ANKRD44: variants seen among roughly 807,000 people sequenced by gnomAD.
ANKRD44 encodes the protein serine/threonine-protein phosphatase 6 regulatory ankyrin repeat subunit B.
Under a neutral mutation model 116.0 loss-of-function variants are expected in ANKRD44, and 35 were observed. That is an observed-to-expected ratio of 0.30 (90% CI 0.23 to 0.40). The LOEUF is 0.40. ANKRD44 is among the 10% of genes least tolerant of loss of function. The pLI is 1.00. For synonymous variants in ANKRD44, 435 were observed against 461.8 expected, an observed-to-expected ratio of 0.94 and a Z score of 0.74; for missense variants, 1,014 against 1,242.6, an observed-to-expected ratio of 0.82 and a Z score of 2.77.
At chr2:197,276,275 CA>C (rs11351342) in intron 1 of ANKRD44, among the ~76,000 whole-genome samples, 36,979 of 107,806 alleles carry the variant, frequency 0.34, 5,309 homozygotes, top group African/African-American at 0.51. Context: ...AACTTGGTCT[CA>C]AAAAAAAAAA....
At chr2:196,971,969 A>C (rs546405706) in intron 21 of ANKRD44, among the ~76,000 whole-genome samples, 1 of 152,312 alleles carries the variant, frequency 6.6e-6, no homozygotes, top group South Asian at 2.1e-4. Flanking sequence ...TCTTGAGGGA[A>C]GCCTGCGCCA....
chr2:197,210,000 C>T (rs777269444), intron 1 of ANKRD44, among the ~76,000 whole-genome samples: 10 of 152,206 alleles, frequency 6.6e-5, no homozygotes, highest in Non-Finnish European at 1.0e-4. Flanking sequence ...CAGGAATCCA[C>T]TCCTACTACC....
At chr2:197,222,864 G>C (rs1353203400) in intron 1 of ANKRD44, among the ~76,000 whole-genome samples, 1 of 151,304 alleles carries the variant, frequency 6.6e-6, no homozygotes, top group Non-Finnish European at 1.5e-5. Context: ...CCAGGCTGAA[G>C]TACAGTGGCA....
intron 10 of ANKRD44, 54 bp from the exon 11 acceptor site, chr2:197,090,086 G>T: frequency 7.4e-7 from 1 of 1,352,850 alleles, no homozygotes. Context: ...AGATACATGC[G>T]GAAGGACAAT....
At chr2:196,981,203 C>T (rs1574214124) in intron 21 of ANKRD44, among the ~76,000 whole-genome samples, 1 of 152,126 alleles carries the variant, frequency 6.6e-6, no homozygotes, top group East Asian at 1.9e-4. Flanking sequence ...GTATCCATCA[C>T]CTCCCTCATG....
chr2:196,996,902 CAAAAA>C (rs55760106), intron 25 of ANKRD44, among the ~76,000 whole-genome samples: 3 of 88,978 alleles, frequency 3.4e-5, no homozygotes, highest in Non-Finnish European at 6.4e-5. Flanking sequence ...GACTCTGCCT[CAAAAA>C]AAAAAAAAAA....
At chr2:197,170,519 C>T (rs1041575099) in intron 2 of ANKRD44, among the ~76,000 whole-genome samples, 1 of 152,174 alleles carries the variant, frequency 6.6e-6, no homozygotes, top group Non-Finnish European at 1.5e-5. Flanking sequence ...TTCATTGTGC[C>T]TAGAGCAATA....
chr2:197,236,552 G>A (rs2081982281), intron 1 of ANKRD44, among the ~76,000 whole-genome samples: 1 of 152,110 alleles, frequency 6.6e-6, no homozygotes, highest in Non-Finnish European at 1.5e-5. Flanking sequence ...TCTGGTCTAT[G>A]GGGCCTACTA....
intron 1 of ANKRD44, among the ~76,000 whole-genome samples, chr2:197,208,243 C>T (rs193170470): frequency 6.3e-4 from 96 of 152,280 alleles, no homozygotes; most frequent in Middle Eastern, 3.4e-3. Context: ...ACAACCCCCA[C>T]GCGCCCCAAT....
chr2:197,118,710 G>C (rs2078781437), intron 8 of ANKRD44, among the ~76,000 whole-genome samples: 1 of 151,796 alleles, frequency 6.6e-6, no homozygotes, highest in East Asian at 1.9e-4. Flanking sequence ...TCTCTGCAGT[G>C]ATAATTGTTG....
At chr2:197,130,017 G>C (rs976531059) in intron 4 of ANKRD44, among the ~76,000 whole-genome samples, 4 of 152,150 alleles carry the variant, frequency 2.6e-5, no homozygotes, top group African/African-American at 9.7e-5. Context: ...AATTTGGGTA[G>C]AATAAATACA....
intron 1 of ANKRD44, among the ~76,000 whole-genome samples, chr2:197,273,980 A>AAATATATAT (rs1553546147): frequency 2.3e-5 from 1 of 43,928 alleles, no homozygotes; most frequent in African/African-American, 1.0e-4. Context: ...AAAAAAAAAA[A>AAATATATAT]ATATATATAT....
At chr2:197,268,114 C>T (rs1436442287) in intron 1 of ANKRD44, among the ~76,000 whole-genome samples, 2 of 152,238 alleles carry the variant, frequency 1.3e-5, no homozygotes, top group South Asian at 2.1e-4. Context: ...TGGCCAACTA[C>T]CTCCTTCACC....
At chr2:197,079,284 A>C (rs2077741689) in intron 15 of ANKRD44, among the ~76,000 whole-genome samples, 1 of 152,144 alleles carries the variant, frequency 6.6e-6, no homozygotes, top group Admixed American at 6.5e-5. Context: ...TAAAAAGAGT[A>C]AGAAAAAAAA....
chr2:197,257,318 G>A (rs987545646), intron 1 of ANKRD44, among the ~76,000 whole-genome samples: 4 of 151,818 alleles, frequency 2.6e-5, no homozygotes, highest in African/African-American at 9.7e-5. Flanking sequence ...TATGACAGTA[G>A]TTTTTAAGAG....
chr2:197,297,439 A>G (rs2083756426), intron 1 of ANKRD44, among the ~76,000 whole-genome samples: 1 of 152,234 alleles, frequency 6.6e-6, no homozygotes, highest in African/African-American at 2.4e-5. Flanking sequence ...TTAATGTGAC[A>G]AATGAGGAAC....
At chr2:197,285,096 C>T (rs2083373048) in intron 1 of ANKRD44, among the ~76,000 whole-genome samples, 1 of 151,704 alleles carries the variant, frequency 6.6e-6, no homozygotes, top group Non-Finnish European at 1.5e-5. Flanking sequence ...TTAAGTATCA[C>T]CCACTAGTCT....
chr2:197,301,842 C>T (rs1439620067), intron 1 of ANKRD44, among the ~76,000 whole-genome samples: 1 of 152,164 alleles, frequency 6.6e-6, no homozygotes, highest in Non-Finnish European at 1.5e-5. Context: ...TATATCTTAG[C>T]CACATGTAAG....
rs891398802 is a variant in ANKRD44 at position 196,967,447 on chromosome 2, C to A, written c.2369-1G>T. 5 of 467,190 alleles carry A rather than the reference C, an allele frequency of 1.1e-5. No homozygotes were observed. Among genetic ancestry groups the A allele is most frequent in the African/African-American group, 4.0e-5 (2 of 49,876 alleles). The allele number at this position is 467,190 out of a possible 1,614,324, so 28.9% of individuals were successfully genotyped here. ...TCTTGGATCTTGAATGGTTAACAGC[C>A]TGAGTTGCCATTTAAAAAAAGAAAA... On this transcript the variant is annotated splice_acceptor_variant, in intron 21 of 21. Transcript: ENST00000424317. LOFTEE classifies it high-confidence loss of function.
Sources: allele counts gnomAD v4.1 joint callset (sites outside exome capture counted in the v4.1 genomes callset), GRCh38; gene constraint gnomAD v4.1.1; transcripts MANE v1.5; gene names NCBI Gene and HGNC (gene_info 2026-07-23, HGNC 2026-07-21).